ARID5B: variants seen among roughly 807,000 people sequenced by gnomAD.
ARID5B encodes the protein AT-rich interactive domain-containing protein 5B.
A neutral mutation model predicts 97.2 loss-of-function variants in ARID5B; 13 were observed. The observed-to-expected ratio is 0.13, with a 90% confidence interval of 0.09 to 0.21. ARID5B has a LOEUF of 0.21. Ranked by LOEUF, ARID5B falls within the 10% of genes least tolerant of loss-of-function variation. The pLI is 1.00. For missense variants in ARID5B, 1,210 were observed against 1,465.3 expected (o/e 0.83, Z 2.84); for synonymous variants, 556 against 570.3 (o/e 0.97, Z 0.36).
intron 2 of ARID5B, among the ~76,000 whole-genome samples, chr10:61,911,709 T>A (rs1223184880): frequency 6.6e-6 from 1 of 152,198 alleles, no homozygotes; most frequent in African/African-American, 2.4e-5. Context: ...GGCCATACAT[T>A]GTGCCTTATG....
intron 3 of ARID5B, among the ~76,000 whole-genome samples, chr10:61,943,469 G>GC (rs1300809393): frequency 1.4e-4 from 13 of 89,746 alleles, no homozygotes; most frequent in East Asian, 6.5e-4. Context: ...GATTATTTGA[G>GC]GCCCCCCCCC....
chr10:61,950,422 A>T (rs1838307760), intron 3 of ARID5B, among the ~76,000 whole-genome samples: 2 of 152,074 alleles, frequency 1.3e-5, no homozygotes, highest in Non-Finnish European at 2.9e-5. Flanking sequence ...TAACCCCAAC[A>T]CTCCGGAAGG....
At chr10:61,968,292 CA>C (rs1838576467) in intron 3 of ARID5B, among the ~76,000 whole-genome samples, 1 of 151,324 alleles carries the variant, frequency 6.6e-6, no homozygotes, top group Non-Finnish European at 1.5e-5. Context: ...TATCCTATTT[CA>C]TTTTTTTAAA....
At chr10:61,942,460 C>A in intron 3 of ARID5B, among the ~76,000 whole-genome samples, 1 of 152,156 alleles carries the variant, frequency 6.6e-6, no homozygotes, top group East Asian at 1.9e-4. Context: ...ATTCTTCATT[C>A]AGTAGGAGTA....
At chr10:62,061,261 G>T (rs567949897) in intron 7 of ARID5B, among the ~76,000 whole-genome samples, 1 of 152,324 alleles carries the variant, frequency 6.6e-6, no homozygotes, top group South Asian at 2.1e-4. Context: ...GAGAAGGAAG[G>T]CTTGATGGCT....
chr10:61,931,830 CAATT>C (rs760224684), intron 2 of ARID5B, among the ~76,000 whole-genome samples: 7 of 152,014 alleles, frequency 4.6e-5, no homozygotes, highest in Admixed American at 1.3e-4. Flanking sequence ...TATTAATAAT[CAATT>C]AATTAACAGT....
rs1840451377 is a variant in ARID5B, at chr10:62,095,250, T to C, written c.*2220T>C. On this transcript the variant is annotated 3_prime_UTR_variant, in exon 10 of 10. Transcript: ENST00000279873. Reference sequence around the variant, plus strand: ...GGCAAGATGCTAGCCAGGACACATATAAGAAAGTTGCACTAGATTGAATGG... The same window carrying C: ...GGCAAGATGCTAGCCAGGACACATACAAGAAAGTTGCACTAGATTGAATGG... The C allele has an allele frequency of 4.3e-6, 1 of 233,216 alleles. No homozygotes were observed. Among genetic ancestry groups the C allele is most frequent in the Admixed American group, 5.6e-5 (1 of 17,742 alleles). The allele number at this position is 233,216 out of a possible 1,614,324, so 14.4% of individuals were successfully genotyped here. A position where few individuals can be genotyped will look rare whatever the true frequency, so the allele number is the denominator to read the frequency against.
In ARID5B at chr10:62,094,633, A is replaced by T. The variant is rs1386325655; in HGVS notation, c.*1603A>T. 1 of 230,840 alleles carries T rather than the reference A, an allele frequency of 4.3e-6. No individual in the cohort carries two copies. Among genetic ancestry groups the T allele is most frequent in the Non-Finnish European group, 8.6e-6 (1 of 116,602 alleles). 14.3% of individuals were successfully genotyped at this position (230,840 alleles called of 1,614,324 possible). A position where few individuals can be genotyped will look rare whatever the true frequency, so the allele number is the denominator to read the frequency against. ...GTTGTCATTCTTGCCACTGTATTCC[A>T]TTTGCTACCGAGATATAACATTAAG... On this transcript the variant is annotated 3_prime_UTR_variant, in exon 10 of 10. Coordinates refer to ENST00000279873, the MANE Select transcript of ARID5B (RefSeq NM_032199.3).
chr10:62,039,176 C>A (rs1839603378), intron 4 of ARID5B, among the ~76,000 whole-genome samples: 1 of 152,142 alleles, frequency 6.6e-6, no homozygotes, highest in Non-Finnish European at 1.5e-5. Flanking sequence ...AGGACAAAGA[C>A]AAATACTTCT....
At chr10:61,916,573 G>A (rs1300868922) in intron 2 of ARID5B, among the ~76,000 whole-genome samples, 1 of 152,034 alleles carries the variant, frequency 6.6e-6, no homozygotes, top group African/African-American at 2.4e-5. Flanking sequence ...TCCATTTTGC[G>A]GGAGGGTAAT....
chr10:61,956,417 G>T (rs1299073818), intron 3 of ARID5B, among the ~76,000 whole-genome samples: 1 of 152,218 alleles, frequency 6.6e-6, no homozygotes, highest in Non-Finnish European at 1.5e-5. Context: ...GTGCCAAAAA[G>T]TTTGGGGACC....
At chr10:62,045,685 G>A (rs375256429) in intron 4 of ARID5B, among the ~76,000 whole-genome samples, 4 of 152,038 alleles carry the variant, frequency 2.6e-5, no homozygotes, top group Admixed American at 6.6e-5. Flanking sequence ...TCCTGACCAC[G>A]TGATCCACCC....
chr10:61,941,226 G>T (rs1333165087), intron 3 of ARID5B, among the ~76,000 whole-genome samples: 1 of 150,316 alleles, frequency 6.7e-6, no homozygotes, highest in African/African-American at 2.4e-5. Context: ...ATAAAGGAGG[G>T]GCTTCATAAT....
At chr10:62,039,846 G>A (rs1321150902) in intron 4 of ARID5B, among the ~76,000 whole-genome samples, 1 of 152,214 alleles carries the variant, frequency 6.6e-6, no homozygotes, top group Non-Finnish European at 1.5e-5. Context: ...ACCTGAAGCA[G>A]GTTGGCAAAG....
At chr10:61,903,251 C>T (rs961925099) in intron 2 of ARID5B, among the ~76,000 whole-genome samples, 1 of 151,844 alleles carries the variant, frequency 6.6e-6, no homozygotes, top group Non-Finnish European at 1.5e-5. Context: ...CGTGCCCAGA[C>T]GGCGCTCCCG....
At chr10:62,045,479 C>T (rs1181435687) in intron 4 of ARID5B, among the ~76,000 whole-genome samples, 3 of 145,714 alleles carry the variant, frequency 2.1e-5, no homozygotes. Flanking sequence ...CGAAGTCTTG[C>T]TCTGTTGCCT....
chr10:61,907,330 T>C (rs1378952761), intron 2 of ARID5B, among the ~76,000 whole-genome samples: 1 of 152,262 alleles, frequency 6.6e-6, no homozygotes, highest in Non-Finnish European at 1.5e-5. Flanking sequence ...TGCTCTTCTC[T>C]TTGGATAGCT....
intron 2 of ARID5B, among the ~76,000 whole-genome samples, chr10:61,927,346 C>T (rs1335000424): frequency 6.6e-6 from 1 of 151,970 alleles, no homozygotes; most frequent in Non-Finnish European, 1.5e-5. Context: ...ATAGACTTGC[C>T]AGGGTCTCAT....
intron 8 of ARID5B, among the ~76,000 whole-genome samples, chr10:62,077,126 C>T (rs1240091272): frequency 6.6e-6 from 1 of 152,198 alleles, no homozygotes; most frequent in Non-Finnish European, 1.5e-5. Flanking sequence ...AATGCAAACA[C>T]CCTACACCCA....
Sources: allele counts gnomAD v4.1 joint callset (sites outside exome capture counted in the v4.1 genomes callset), GRCh38; gene constraint gnomAD v4.1.1; transcripts MANE v1.5; gene names NCBI Gene and HGNC (gene_info 2026-07-23, HGNC 2026-07-21).